NTM: variants seen among roughly 807,000 people sequenced by gnomAD.
NTM encodes the protein neurotrimin.
A neutral mutation model predicts 42.1 loss-of-function variants in NTM; 13 were observed. The ratio of observed to expected loss-of-function variants is 0.31; its 90% CI spans 0.20 to 0.49. The LOEUF is 0.49. Ranked by LOEUF, NTM falls within the 20% of genes least tolerant of loss-of-function variation. The pLI, the probability that NTM is intolerant of heterozygous loss-of-function variation, is 0.99. For missense variants in NTM, 373 were observed against 452.8 expected (o/e 0.82, Z 1.60); for synonymous variants, 187 against 179.2 (o/e 1.04, Z -0.35).
At chr11:131,794,446 CA>C (rs1398076523) in intron 1 of NTM, 1 of 983,316 alleles carries the variant, frequency 1.0e-6, no homozygotes, top group African/African-American at 1.7e-5. Flanking sequence ...AATGCTGTCA[CA>C]TGAGGCGTTT....
intron 1 of NTM, among the ~76,000 whole-genome samples, chr11:131,856,201 T>A (rs1418010361): frequency 6.6e-6 from 1 of 152,200 alleles, no homozygotes; most frequent in Non-Finnish European, 1.5e-5. Flanking sequence ...CTTACAATGC[T>A]AATTTTTTCC....
chr11:132,089,016 C>T (rs886681455), intron 2 of NTM, among the ~76,000 whole-genome samples: 4 of 151,982 alleles, frequency 2.6e-5, no homozygotes, highest in Non-Finnish European at 5.9e-5. Context: ...ACAAAATTGC[C>T]CTTGTTTGAT....
chr11:131,853,195 C>G (rs2136858703), intron 1 of NTM, among the ~76,000 whole-genome samples: 1 of 151,868 alleles, frequency 6.6e-6, no homozygotes, highest in East Asian at 1.9e-4. Flanking sequence ...AGAATATGTT[C>G]TACACAGTCT....
rs567648919 is a variant in NTM at position 132,316,433 on chromosome 11, C to T, written c.934+1730C>T. On this transcript the variant is annotated intron_variant, in intron 7 of 8. Transcript: ENST00000683400. ...CATCTGCCCTGTGCCTCCTTTGGGA[C>T]GTTTCTACCATTGCCAGCTCTCTGG... Among the ~76,000 whole-genome samples the T allele has an allele frequency of 3.3e-4, 51 of 152,266 alleles. 1 individual carries two copies. The highest frequency in any genetic ancestry group is 3.1e-3 in the Admixed American group (47 of 15,288).
At chr11:132,038,031 T>C (rs2076718776) in intron 2 of NTM, among the ~76,000 whole-genome samples, 1 of 152,228 alleles carries the variant, frequency 6.6e-6, no homozygotes, top group African/African-American at 2.4e-5. Flanking sequence ...ACCGTGCATG[T>C]GTGCACACAC....
At chr11:131,608,051 C>A (rs964125082) in intron 1 of NTM, among the ~76,000 whole-genome samples, 1 of 152,164 alleles carries the variant, frequency 6.6e-6, no homozygotes, top group African/African-American at 2.4e-5. Flanking sequence ...TATCCCTCCC[C>A]CAACCCCACA....
chr11:131,373,348 CTT>C (rs1288745532), intron 1 of NTM, among the ~76,000 whole-genome samples: 1 of 152,118 alleles, frequency 6.6e-6, no homozygotes, highest in Admixed American at 6.5e-5. Context: ...TAAGCTGGTT[CTT>C]CCTAGAGCTG....
At chr11:131,811,808 A>G (rs1283351822) in intron 1 of NTM, among the ~76,000 whole-genome samples, 1 of 152,194 alleles carries the variant, frequency 6.6e-6, no homozygotes, top group African/African-American at 2.4e-5. Flanking sequence ...CTCTTGTCCT[A>G]GTGTTGGAAT....
At chr11:131,767,765 C>T (rs951366150) in intron 1 of NTM, among the ~76,000 whole-genome samples, 1 of 152,138 alleles carries the variant, frequency 6.6e-6, no homozygotes, top group African/African-American at 2.4e-5. Flanking sequence ...TTTGCTGAAC[C>T]AGACCCATTT....
intron 2 of NTM, among the ~76,000 whole-genome samples, chr11:132,031,840 A>T (rs946433632): frequency 1.3e-5 from 2 of 152,060 alleles, no homozygotes; most frequent in Admixed American, 6.5e-5. Context: ...GATTTATATA[A>T]TCTCTTATGT....
At chr11:132,187,475 G>C (rs2078616616) in intron 3 of NTM, among the ~76,000 whole-genome samples, 3 of 152,116 alleles carry the variant, frequency 2.0e-5, no homozygotes, top group Admixed American at 1.3e-4. Context: ...CTGATAAAAG[G>C]CTCTAATAGC....
intron 2 of NTM, among the ~76,000 whole-genome samples, chr11:131,978,516 G>A (rs1209289052): frequency 6.6e-6 from 1 of 152,064 alleles, no homozygotes; most frequent in African/African-American, 2.4e-5. Flanking sequence ...TGATGAGGTT[G>A]GAGTCTCTTC....
intron 2 of NTM, among the ~76,000 whole-genome samples, chr11:132,097,796 G>A (rs778082339): frequency 6.6e-5 from 10 of 152,200 alleles, no homozygotes; most frequent in African/African-American, 7.2e-5. Context: ...TCATTGTGAT[G>A]AGGACCTTTT....
chr11:131,461,962 A>G (rs946529762), intron 1 of NTM, among the ~76,000 whole-genome samples: 1 of 152,228 alleles, frequency 6.6e-6, no homozygotes, highest in African/African-American at 2.4e-5. Context: ...GCACACACAA[A>G]ACTGCATGCA....
intron 4 of NTM, among the ~76,000 whole-genome samples, chr11:132,236,569 T>G (rs757621826): frequency 7.9e-5 from 12 of 152,300 alleles, no homozygotes; most frequent in African/African-American, 2.2e-4. Context: ...TTACTAGTGT[T>G]ATTAGGATGA....
intron 1 of NTM, among the ~76,000 whole-genome samples, chr11:131,728,416 G>T (rs776637079): frequency 6.6e-6 from 1 of 152,172 alleles, no homozygotes; most frequent in Non-Finnish European, 1.5e-5. Flanking sequence ...TATTGCAAAG[G>T]ATACAGGTGA....
chr11:131,881,315 G>C (rs1315123860), intron 1 of NTM, among the ~76,000 whole-genome samples: 1 of 152,092 alleles, frequency 6.6e-6, no homozygotes, highest in Non-Finnish European at 1.5e-5. Context: ...CGGTTTGAGG[G>C]AGCACTTCAG....
intron 2 of NTM, among the ~76,000 whole-genome samples, chr11:132,045,836 C>T (rs1420391026): frequency 6.6e-6 from 1 of 152,148 alleles, no homozygotes; most frequent in Non-Finnish European, 1.5e-5. Context: ...AACTGGTGAC[C>T]CTTTTCTCTG....
intron 1 of NTM, among the ~76,000 whole-genome samples, chr11:131,728,129 A>G (rs1424065361): frequency 3.3e-5 from 5 of 151,518 alleles, no homozygotes; most frequent in African/African-American, 1.2e-4. Context: ...CAAGCAAGCA[A>G]CCAATTGCAC....
Sources: gnomAD v4.1 joint callset for allele counts (sites outside exome capture counted in the v4.1 genomes callset) on GRCh38, gnomAD v4.1.1 for gene constraint, MANE v1.5 for transcripts, NCBI Gene and HGNC (gene_info 2026-07-23, HGNC 2026-07-21) for gene names.